FAT3: variants seen among roughly 807,000 people sequenced by gnomAD.
FAT3 encodes FAT atypical cadherin 3.
A neutral mutation model predicts 310.2 loss-of-function variants in FAT3; 95 were observed. That is an observed-to-expected ratio of 0.31 (90% CI 0.26 to 0.36). The LOEUF (loss-of-function observed/expected upper bound fraction) is 0.36. Among genes scored for constraint, FAT3 ranks in the 10% least tolerant of loss-of-function variants. FAT3 has a pLI of 1.00. For synonymous variants in FAT3, 2,314 were observed against 2,192.9 expected (o/e 1.06, Z -1.54); for missense variants, 5,408 against 5,715.6 (o/e 0.95, Z 1.74).
At chr11:92,586,062 A>T (rs1939135133) in intron 3 of FAT3, among the ~76,000 whole-genome samples, 1 of 152,022 alleles carries the variant, frequency 6.6e-6, no homozygotes, top group South Asian at 2.1e-4. Flanking sequence ...TATACTGAAT[A>T]GTGGAAATGT....
chr11:92,319,979 T>C (rs1038498503), intron 1 of FAT3, among the ~76,000 whole-genome samples: 1 of 152,208 alleles, frequency 6.6e-6, no homozygotes, highest in Non-Finnish European at 1.5e-5. Flanking sequence ...TTCTTATGCA[T>C]GCTTCTCCCA....
chr11:92,629,411 C>CT lies in FAT3; in HGVS notation c.3608-67954dup, dbSNP rs34017336. ...GCACTATTACCTCTCCTTCCCCTAC[C>CT]TTTTTTTTTTTTTTTTTTTCTTTTT... On this transcript the variant is annotated intron_variant, in intron 3 of 27. Coordinates refer to ENST00000525166, the MANE Select transcript of FAT3 (RefSeq NM_001367949.2). Among the ~76,000 whole-genome samples, 501 of 126,022 alleles carry CT rather than the reference C, an allele frequency of 4.0e-3. 3 individuals are homozygous for CT. Among genetic ancestry groups the CT allele is most frequent in the Non-Finnish European group, 4.6e-3 (278 of 61,070 alleles). The allele number at this position is 126,022 out of a possible 152,430, so 82.7% of individuals were successfully genotyped here.
At chr11:92,786,534 A>G (rs1377483653) in intron 7 of FAT3, among the ~76,000 whole-genome samples, 1 of 152,170 alleles carries the variant, frequency 6.6e-6, no homozygotes, top group African/African-American at 2.4e-5. Context: ...AGAAAGGTAA[A>G]TGAAAACTAT....
chr11:92,839,137 A>G (rs189791034), intron 17 of FAT3, among the ~76,000 whole-genome samples: 2 of 152,290 alleles, frequency 1.3e-5, no homozygotes, highest in East Asian at 3.9e-4. Flanking sequence ...CAGTTTTATG[A>G]CACACATCAA....
intron 22 of FAT3, among the ~76,000 whole-genome samples, chr11:92,880,467 C>G (rs1479955221): frequency 6.6e-6 from 1 of 151,730 alleles, no homozygotes; most frequent in African/African-American, 2.4e-5. Context: ...AAATCTGTCC[C>G]TTGGGTGGGT....
intron 2 of FAT3, among the ~76,000 whole-genome samples, chr11:92,387,063 AGTGTGTGT>A (rs67529435): frequency 0.011 from 1,591 of 144,232 alleles, 26 homozygotes; most frequent in African/African-American, 0.033. Context: ...TATGGGAGCT[AGTGTGTGT>A]GTGTGTGTGT....
intron 2 of FAT3, among the ~76,000 whole-genome samples, chr11:92,499,796 TAC>T (rs1451681272): frequency 6.6e-6 from 1 of 151,144 alleles, no homozygotes; most frequent in African/African-American, 2.4e-5. Flanking sequence ...CTCAGAAACT[TAC>T]AAAGTCAGTT....
chr11:92,876,347 T>A (rs376742114), intron 22 of FAT3, among the ~76,000 whole-genome samples: 213 of 152,352 alleles, frequency 1.4e-3, no homozygotes, highest in African/African-American at 5.0e-3. Flanking sequence ...CAATCCCAGC[T>A]GCCTTCAACA....
chr11:92,881,005 G>A, intron 23 of FAT3, 121 bp downstream of exon 23: 1 of 1,082,810 alleles, frequency 9.2e-7, no homozygotes, highest in East Asian at 2.4e-5. Context: ...GTTAACATCT[G>A]CACGATACGT....
At chr11:92,715,952 T>C (rs933598291) in intron 4 of FAT3, among the ~76,000 whole-genome samples, 3 of 151,810 alleles carry the variant, frequency 2.0e-5, no homozygotes, top group East Asian at 1.9e-4. Context: ...AGGAGGGAAA[T>C]TGAAGTAGTT....
chr11:92,441,680 A>G (rs968790213), intron 2 of FAT3, among the ~76,000 whole-genome samples: 2 of 152,184 alleles, frequency 1.3e-5, no homozygotes, highest in African/African-American at 4.8e-5. Context: ...CTAAACAATT[A>G]GAGGAGTCTC....
intron 2 of FAT3, among the ~76,000 whole-genome samples, chr11:92,419,992 A>G (rs1463219920): frequency 6.6e-6 from 1 of 152,210 alleles, no homozygotes; most frequent in Non-Finnish European, 1.5e-5. Flanking sequence ...GGAGGAACAC[A>G]GAGAGTCCGT....
chr11:92,653,280 A>G (rs1450395453), intron 3 of FAT3, among the ~76,000 whole-genome samples: 2 of 152,180 alleles, frequency 1.3e-5, no homozygotes, highest in East Asian at 3.9e-4. Flanking sequence ...TTCCTCCTCC[A>G]TAAGACCTAT....
intron 3 of FAT3, among the ~76,000 whole-genome samples, chr11:92,562,529 G>A (rs1955266842): frequency 1.3e-5 from 2 of 152,154 alleles, no homozygotes; most frequent in Non-Finnish European, 2.9e-5. Flanking sequence ...AGAATGAATA[G>A]TATATATATG....
At chr11:92,433,847 T>TAA (rs111268135) in intron 2 of FAT3, among the ~76,000 whole-genome samples, 7 of 148,120 alleles carry the variant, frequency 4.7e-5, no homozygotes, top group African/African-American at 1.5e-4. Flanking sequence ...CATCTCTGCT[T>TAA]AAAAAAAAAA....
In FAT3 at chr11:92,731,764, G is replaced by A. The variant is rs116443284; in HGVS notation, c.3670-30092G>A. Among the ~76,000 whole-genome samples the A allele has an allele frequency of 6.9e-3, 1,052 of 151,440 alleles. 8 individuals are homozygous for A. Among genetic ancestry groups the A allele is most frequent in the African/African-American group, 0.024 (975 of 41,388 alleles). ...CAAGGGCACAGTTAGCTATGCCTTCGTCTGTATCCTCTCTTTATATCTCTA... is the reference window on the plus strand; with the variant it reads ...CAAGGGCACAGTTAGCTATGCCTTCATCTGTATCCTCTCTTTATATCTCTA... On this transcript the variant is annotated intron_variant, in intron 4 of 27. Transcript: ENST00000525166.
intron 1 of FAT3, among the ~76,000 whole-genome samples, chr11:92,232,390 A>G (rs868083081): frequency 1.3e-5 from 2 of 152,224 alleles, no homozygotes; most frequent in African/African-American, 2.4e-5. Flanking sequence ...CAGAATGTCA[A>G]TTAAATGGAA....
intron 3 of FAT3, among the ~76,000 whole-genome samples, chr11:92,692,887 G>T (rs911998846): frequency 2.0e-5 from 3 of 152,208 alleles, no homozygotes; most frequent in Admixed American, 6.5e-5. Flanking sequence ...AGCACTTAAA[G>T]AAAATGTGAA....
At chr11:92,320,044 G>A (rs1056113883) in intron 1 of FAT3, among the ~76,000 whole-genome samples, 19 of 152,172 alleles carry the variant, frequency 1.2e-4, no homozygotes, top group South Asian at 4.1e-4. Context: ...TATTGCAGTA[G>A]TTCCCAAATT....
Sources: gnomAD v4.1 joint callset for allele counts (sites outside exome capture counted in the v4.1 genomes callset) on GRCh38, gnomAD v4.1.1 for gene constraint, MANE v1.5 for transcripts, NCBI Gene and HGNC (gene_info 2026-07-23, HGNC 2026-07-21) for gene names.